Variants in LEPR observed in about 807,000 individuals in gnomAD.
LEPR encodes the protein leptin receptor, also known as OB receptor.
LEPR carries 56 observed loss-of-function variants against 114.7 expected under a neutral mutation model. That is an observed-to-expected ratio of 0.49 (90% CI 0.39 to 0.61). The LOEUF (loss-of-function observed/expected upper bound fraction) is 0.61, where lower values mean the gene tolerates loss of function less well. Among genes scored for constraint, LEPR ranks in the 20% least tolerant of loss-of-function variants. The probability of loss-of-function intolerance (pLI) is 0.00; values close to 1 mark genes in which losing one functional copy is unlikely to be tolerated. For missense variants in LEPR, 1,202 were observed against 1,352.9 expected (o/e 0.89, Z 1.75); for synonymous variants, 443 against 461.4 (o/e 0.96, Z 0.51).
intron 2 of LEPR, among the ~76,000 whole-genome samples, chr1:65,447,843 A>G (rs1042454042): frequency 1.3e-5 from 2 of 152,154 alleles, no homozygotes; most frequent in African/African-American, 2.4e-5. Context: ...CCACTTGTTC[A>G]TTGCTCATAC....
chr1:65,592,830 A>C lies in LEPR; in HGVS notation c.668A>C (p.Gln223Pro). The stretch of plus-strand genomic sequence containing the variant: ...ATCACATCTGGTGGAGTAATTTTCC[A>C]GTCACCTCTAATGTCAGTTCAGCCC... ...LKITSGGVIF[Q>P]SPLMSVQPIN... The change falls in exon 6 of 20, where the codon CAG becomes CCG. Residue 223 changes from glutamine (Q) to proline (P), a missense_variant. Coordinates refer to ENST00000349533, the MANE Select transcript of LEPR (RefSeq NM_002303.6). The C allele has an allele frequency of 1.9e-6, 3 of 1,612,564 alleles. No individual in the cohort carries two copies. The highest frequency in any genetic ancestry group is 2.5e-6 in the Non-Finnish European group (3 of 1,179,136).
At chr1:65,610,416 A>G (rs2100970049) in intron 14 of LEPR, 120 bp downstream of exon 14, 1 of 841,118 alleles carries the variant, frequency 1.2e-6, no homozygotes, top group Middle Eastern at 3.6e-4. Flanking sequence ...TTTTCATTGC[A>G]TTTATGAGAT....
At chr1:65,579,707 G>C (rs1411965240) in intron 5 of LEPR, among the ~76,000 whole-genome samples, 1 of 152,128 alleles carries the variant, frequency 6.6e-6, no homozygotes, top group Non-Finnish European at 1.5e-5. Context: ...AAGGCAAAAT[G>C]CTCAGTTTTA....
chr1:65,482,949 C>G (rs1314124832), intron 2 of LEPR, among the ~76,000 whole-genome samples: 2 of 148,920 alleles, frequency 1.3e-5, no homozygotes, highest in Non-Finnish European at 3.0e-5. Context: ...GATTGTGCCA[C>G]TACACTCCAG....
At chr1:65,620,308 A>G (rs948407620) in intron 17 of LEPR, among the ~76,000 whole-genome samples, 4 of 152,188 alleles carry the variant, frequency 2.6e-5, no homozygotes, top group African/African-American at 4.8e-5. Flanking sequence ...TTGTCTTCAA[A>G]TCTAAGCAAC....
chr1:65,549,653 T>G (rs958504036), intron 2 of LEPR, among the ~76,000 whole-genome samples: 7 of 152,226 alleles, frequency 4.6e-5, no homozygotes, highest in South Asian at 2.1e-4. Flanking sequence ...AGCCTTGGCT[T>G]TCAGCTCTAT....
chr1:65,455,945 A>G (rs934875429), intron 2 of LEPR, among the ~76,000 whole-genome samples: 1 of 152,156 alleles, frequency 6.6e-6, no homozygotes, highest in African/African-American at 2.4e-5. Flanking sequence ...CTCCGTGGGC[A>G]TAGGACCCTC....
At chr1:65,432,596 C>A in intron 2 of LEPR, 1 of 979,626 alleles carries the variant, frequency 1.0e-6, no homozygotes, top group African/African-American at 1.8e-5. Context: ...CACCTGCTTT[C>A]ATGCTGAGGA....
At chr1:65,421,450 C>T (rs1445916451) in intron 1 of LEPR, 4 of 1,536,060 alleles carry the variant, frequency 2.6e-6, no homozygotes, top group African/African-American at 2.7e-5. Context: ...GCAAGGCTTC[C>T]TGTATTTTGG....
intron 2 of LEPR, among the ~76,000 whole-genome samples, chr1:65,467,680 G>A (rs1647032474): frequency 6.6e-6 from 1 of 152,202 alleles, no homozygotes; most frequent in African/African-American, 2.4e-5. Flanking sequence ...GCCGTGCTGC[G>A]GTGGGCTCCA....
chr1:65,501,693 A>C (rs1648461813), intron 2 of LEPR, among the ~76,000 whole-genome samples: 1 of 152,018 alleles, frequency 6.6e-6, no homozygotes, highest in Non-Finnish European at 1.5e-5. Flanking sequence ...AGGTTTCTTC[A>C]GAGTGATTTC....
chr1:65,470,294 T>C (rs185150144), intron 2 of LEPR, among the ~76,000 whole-genome samples: 1 of 152,322 alleles, frequency 6.6e-6, no homozygotes. Flanking sequence ...CTAGGATTTA[T>C]GGTAAGCCCC....
intron 3 of LEPR, 59 bp from the exon 4 acceptor site, chr1:65,570,414 A>G (rs1442780740): frequency 6.6e-7 from 1 of 1,519,336 alleles, no homozygotes; most frequent in Non-Finnish European, 9.0e-7. Context: ...GATACTTTCT[A>G]TTCATGTCTT....
At chr1:65,525,208 C>T (rs1007315246) in intron 2 of LEPR, among the ~76,000 whole-genome samples, 1 of 152,160 alleles carries the variant, frequency 6.6e-6, no homozygotes, top group African/African-American at 2.4e-5. Flanking sequence ...TTTCCCACTC[C>T]TCCCAGTTAT....
rs1283650500 is a variant in LEPR at position 65,605,041 on chromosome 1, C to T, written c.1407C>T (p.Ser469=). The change falls in exon 11 of 20, where the codon AGC becomes AGT. Residue 469 remains serine (S), a synonymous_variant. Transcript: ENST00000349533. ...ESTLQLRYHR[S]SLYCSDIPSI... ...ACTATTTTTGTATCTTTTAAAGGAG[C>T]AGCCTTTACTGTTCTGATATTCCAT... 1.9e-6 allele frequency: 3 copies of T among 1,612,502 alleles called. No individual in the cohort carries two copies. Among genetic ancestry groups the T allele is most frequent in the Non-Finnish European group, 2.5e-6 (3 of 1,179,956 alleles).
chr1:65,595,712 A>T, intron 6 of LEPR, among the ~76,000 whole-genome samples: 1 of 152,240 alleles, frequency 6.6e-6, no homozygotes, highest in Admixed American at 6.5e-5. Context: ...TATATGAATA[A>T]TTCCTGTTAA....
chr1:65,498,230 A>G (rs1415286635), intron 2 of LEPR, among the ~76,000 whole-genome samples: 2 of 152,164 alleles, frequency 1.3e-5, no homozygotes, highest in Non-Finnish European at 2.9e-5. Flanking sequence ...TTAGCTTATC[A>G]GTAAGGTAGA....
At chr1:65,545,695 T>A (rs377391442) in intron 2 of LEPR, among the ~76,000 whole-genome samples, 1,956 of 134,064 alleles carry the variant, frequency 0.015, no homozygotes, top group Middle Eastern at 0.04. Flanking sequence ...TCATTGTAGA[T>A]TCTGGATATT....
chr1:65,430,527 ACTTT>A (rs1646465946), intron 2 of LEPR, among the ~76,000 whole-genome samples: 1 of 152,114 alleles, frequency 6.6e-6, no homozygotes, highest in African/African-American at 2.4e-5. Context: ...CAAGACAAAA[ACTTT>A]CTTTTTGTCT....
Sources: gnomAD v4.1 joint callset for allele counts (sites outside exome capture counted in the v4.1 genomes callset) on GRCh38, gnomAD v4.1.1 for gene constraint, MANE v1.5 for transcripts, NCBI Gene and HGNC (gene_info 2026-07-23, HGNC 2026-07-21) for gene names.